The following ALDH7A1 variants were observed in gnomAD, a reference collection of about 807,000 sequenced individuals.
ALDH7A1 encodes the protein alpha-aminoadipic semialdehyde dehydrogenase.
Under a neutral mutation model 79.9 loss-of-function variants are expected in ALDH7A1, and 63 were observed. The observed-to-expected ratio is 0.79, with a 90% CI of 0.64 to 0.97. ALDH7A1 has a LOEUF of 0.97. Among genes scored for constraint, ALDH7A1 ranks in the 50% least tolerant of loss-of-function variants. The probability of loss-of-function intolerance (pLI) is 0.00; values close to 1 mark genes in which losing one functional copy is unlikely to be tolerated. For missense variants in ALDH7A1, 627 were observed against 665.2 expected (o/e 0.94, Z 0.63); for synonymous variants, 240 against 231.2 (o/e 1.04, Z -0.34).
chr5:126,544,729 T>A lies in ALDH7A1; in HGVS notation c.*236A>T. On this transcript the variant is annotated 3_prime_UTR_variant, in exon 18 of 18. Coordinates refer to ENST00000409134, the MANE Select transcript of ALDH7A1 (RefSeq NM_001182.5). ...AAAAGCCATGTACAACTAGTTGACA[T>A]AATAAAAATCCACCTAACTCATCTT... The A allele has an allele frequency of 1.9e-6, 1 of 532,600 alleles. No homozygotes were observed. Among genetic ancestry groups the A allele is most frequent in the Non-Finnish European group, 3.4e-6 (1 of 296,944 alleles). The allele number at this position is 532,600 out of a possible 1,614,324, so 33.0% of individuals were successfully genotyped here.
chr5:126,545,341 C>G (rs1336004668), intron 17 of ALDH7A1, among the ~76,000 whole-genome samples: 2 of 151,970 alleles, frequency 1.3e-5, no homozygotes, highest in Non-Finnish European at 2.9e-5. Context: ...ATGGCACAAT[C>G]TCAGCTCACT....
intron 17 of ALDH7A1, 104 bp from the exon 18 acceptor site, chr5:126,545,123 A>T (rs1581350542): frequency 2.3e-6 from 2 of 854,292 alleles, no homozygotes; most frequent in Non-Finnish European, 3.9e-6. Flanking sequence ...ACAAGGCAAG[A>T]TCTCCAAGTT....
At chr5:126,549,856 G>A (rs1749927848) in intron 16 of ALDH7A1, 73 bp downstream of exon 16, 3 of 1,356,990 alleles carry the variant, frequency 2.2e-6, no homozygotes, top group African/African-American at 1.4e-5. Flanking sequence ...CTCTTGGTCA[G>A]CCTTTTCTAA....
intron 7 of ALDH7A1, among the ~76,000 whole-genome samples, chr5:126,573,638 C>T (rs1297237190): frequency 6.8e-6 from 1 of 147,570 alleles, no homozygotes; most frequent in Non-Finnish European, 1.5e-5. Flanking sequence ...GCAGAGGTTT[C>T]AGTGAGCCGA....
At chr5:126,563,597 T>C (rs1750472405) in intron 9 of ALDH7A1, among the ~76,000 whole-genome samples, 1 of 152,142 alleles carries the variant, frequency 6.6e-6, no homozygotes, top group Non-Finnish European at 1.5e-5. Context: ...TTCAAGTGAT[T>C]CTCCTGTCTC....
At chr5:126,549,890 C>T (rs1213855248) in intron 16 of ALDH7A1, 39 bp downstream of exon 16, 23 of 1,596,990 alleles carry the variant, frequency 1.4e-5, no homozygotes, top group Non-Finnish European at 1.9e-5. Flanking sequence ...TTTTTCTTTG[C>T]TGCCCAACAT....
chr5:126,584,251 C>A, intron 3 of ALDH7A1: 4 of 496,720 alleles, frequency 8.1e-6, no homozygotes, highest in South Asian at 2.8e-5. Flanking sequence ...TTACAAATTG[C>A]CAACAAATAA....
chr5:126,577,357 TTAAC>T, intron 5 of ALDH7A1, 146 bp from the exon 6 acceptor site: 1 of 1,008,890 alleles, frequency 9.9e-7, no homozygotes, highest in East Asian at 2.6e-5. Flanking sequence ...TATCAGTACA[TTAAC>T]TAATGTACAA....
In ALDH7A1 at chr5:126,595,032, T is replaced by A. The variant is rs1480836671; in HGVS notation, c.167A>T (p.Asn56Ile). 2 of 1,608,438 alleles carry A rather than the reference T, an allele frequency of 1.2e-6. No individual in the cohort carries two copies. Among genetic ancestry groups the A allele is most frequent in the Non-Finnish European group, 1.7e-6 (2 of 1,177,984 alleles). ...CTCTCCCCGGCCTCCCCAGCTTCCA[T>A]TATACACGCCCTCGTTTTCCTCGCG... is the stretch of plus-strand genomic sequence containing the variant. ...GLREENEGVY[N>I]GSWGGRGEVI... is the part of the protein sequence containing the mutation. The change falls in exon 1 of 18, where the codon AAT becomes ATT. Residue 56 changes from asparagine (N) to isoleucine (I), a missense_variant. Coordinates refer to ENST00000409134, the MANE Select transcript of ALDH7A1 (RefSeq NM_001182.5).
intron 16 of ALDH7A1, 171 bp downstream of exon 16, chr5:126,549,758 T>C: frequency 1.4e-6 from 1 of 713,328 alleles, no homozygotes. Context: ...CGCAGGACTC[T>C]ATGCGATAAC....
rs1276540296 is a variant in ALDH7A1, at chr5:126,568,268, C to G, written c.862G>C (p.Glu288Gln). The stretch of plus-strand genomic sequence containing the variant: ...GAAAGCCAACACTTACCAAACCTCT[C>G]CTGCACCATCAGGCCCACCTGTTTT... ...VGKQVGLMVQ[E>Q]RFGRSLLELG... is the part of the protein sequence containing the mutation. Residue 288 changes from glutamate (E) to glutamine (Q), a missense_variant, in exon 9 of 18, where the codon GAG (glutamate) becomes CAG (glutamine). Transcript: ENST00000409134. The G allele has an allele frequency of 6.2e-7, 1 of 1,614,116 alleles. No individual in the cohort carries two copies. The highest frequency in any genetic ancestry group is 8.5e-7 in the Non-Finnish European group (1 of 1,179,982).
intron 17 of ALDH7A1, among the ~76,000 whole-genome samples, chr5:126,545,328 G>A (rs1251698184): frequency 1.3e-5 from 2 of 151,982 alleles, no homozygotes; most frequent in East Asian, 2.0e-4. Flanking sequence ...AGACTGGAGT[G>A]CAATGGCACA....
rs1057521334 is a variant in ALDH7A1, at chr5:126,575,483, A to T, written c.651-19T>A. 1 of 1,604,488 alleles carries T rather than the reference A, an allele frequency of 6.2e-7. No homozygotes were observed. The highest frequency in any genetic ancestry group is 8.5e-7 in the Non-Finnish European group (1 of 1,175,976). On this transcript the variant is annotated intron_variant, in intron 6 of 17. Coordinates refer to ENST00000409134, the MANE Select transcript of ALDH7A1 (RefSeq NM_001182.5). ...TCCTTTCCTTAAGAAGGTTAAAACA[A>T]AAAAAGAAAAAGAAAAACTTATTTG...
chr5:126,547,833 C>A (rs1347579868), intron 16 of ALDH7A1, among the ~76,000 whole-genome samples: 1 of 152,054 alleles, frequency 6.6e-6, no homozygotes, highest in Non-Finnish European at 1.5e-5. Flanking sequence ...AGGTGGATCA[C>A]AAGGTCAGGA....
rs182868780 is a variant in ALDH7A1, at chr5:126,583,272, G to C, written c.394-298C>G. Among the ~76,000 whole-genome samples, 727 of 152,124 alleles carry C rather than the reference G, an allele frequency of 4.8e-3. 5 individuals carry two copies. Among genetic ancestry groups the C allele is most frequent in the Middle Eastern group, 0.024 (7 of 294 alleles). ...AAGGCGGGCGGATCACCTGAGGTCA[G>C]GAGTTCAAGACCAGCCTGGCCAACA... On this transcript the variant is annotated intron_variant, in intron 4 of 17. Coordinates refer to ENST00000409134, the MANE Select transcript of ALDH7A1 (RefSeq NM_001182.5).
chr5:126,568,227 A>G (rs938090381), intron 9 of ALDH7A1, 32 bp downstream of exon 9: 3 of 1,604,946 alleles, frequency 1.9e-6, no homozygotes, highest in Non-Finnish European at 2.6e-6. Flanking sequence ...ATTTGAGAGA[A>G]TTAAAATCCT....
chr5:126,544,963 C>T lies in ALDH7A1; in HGVS notation c.*2G>A. 1 of 1,607,342 alleles carries T rather than the reference C, an allele frequency of 6.2e-7. No homozygotes were observed. Among genetic ancestry groups the T allele is most frequent in the Admixed American group, 1.7e-5 (1 of 60,006 alleles). On this transcript the variant is annotated 3_prime_UTR_variant, in exon 18 of 18. Coordinates refer to ENST00000409134, the MANE Select transcript of ALDH7A1 (RefSeq NM_001182.5). The stretch of plus-strand genomic sequence containing the variant: ...ATTAAGGGATGTTCATCTAAAACAC[C>T]TTTACTGAAACTTGATTCCTTGGGC...
At chr5:126,558,019 T>C (rs1355336739) in intron 11 of ALDH7A1, among the ~76,000 whole-genome samples, 1 of 151,404 alleles carries the variant, frequency 6.6e-6, no homozygotes, top group Non-Finnish European at 1.5e-5. Flanking sequence ...AATACAAAAA[T>C]TAGCCAGGCA....
At chr5:126,561,352 T>C (rs1434327183) in intron 9 of ALDH7A1, 6 of 316,364 alleles carry the variant, frequency 1.9e-5, no homozygotes, top group Non-Finnish European at 3.5e-5. Context: ...TCAAATGTCC[T>C]GATTTTAGTA....
Sources: gnomAD v4.1 joint callset for allele counts (sites outside exome capture counted in the v4.1 genomes callset) on GRCh38, gnomAD v4.1.1 for gene constraint, MANE v1.5 for transcripts, NCBI Gene and HGNC (gene_info 2026-07-23, HGNC 2026-07-21) for gene names.